Variants in PGBD2 observed in about 807,000 individuals in gnomAD.
PGBD2 encodes piggyBac transposable element-derived protein 2.
In PGBD2, 6 loss-of-function variants were observed where a neutral mutation model predicts 8.1. The observed-to-expected ratio is 0.74, with a 90% CI of 0.40 to 1.46. The LOEUF is 1.46. Among genes scored for constraint, PGBD2 ranks in the 40% most tolerant of loss-of-function variants. PGBD2 has a pLI of 0.02. For synonymous variants in PGBD2, 318 were observed against 272.2 expected, an observed-to-expected ratio of 1.17 and a Z score of -1.66; for missense variants, 802 against 739.0, an observed-to-expected ratio of 1.09 and a Z score of -0.99.
At chr1:248,876,961 G>A in the PGBD2 span, among the ~76,000 whole-genome samples, 1 of 152,162 alleles carries the variant, frequency 6.6e-6, no homozygotes, top group Admixed American at 6.5e-5. Flanking sequence ...AAATACTGGG[G>A]TGAGTTAGAT....
At chr1:248,893,486 A>G in the PGBD2 span, among the ~76,000 whole-genome samples, 32 of 152,344 alleles carry the variant, frequency 2.1e-4, no homozygotes, top group African/African-American at 5.8e-4. Context: ...GTCGTACTGT[A>G]ACTGACTTAT....
Position 248,917,254 on chromosome 1 carries a change from ATCT to A in PGBD2, c.674_676del (p.Phe225del), listed in dbSNP as rs1558289360. The A allele has an allele frequency of 6.2e-7, 1 of 1,614,096 alleles. No individual in the cohort carries two copies. The highest frequency in any genetic ancestry group is 8.5e-7 in the Non-Finnish European group (1 of 1,180,022). On this transcript the variant is annotated inframe_deletion, in exon 3 of 3. Coordinates refer to ENST00000329291, the MANE Select transcript of PGBD2 (RefSeq NM_170725.3). ...AATTAGAAGGGACAGATTTGAACTA[ATCT>A]TCTCATACTTACATTTTGCAGATAA...
chr1:248,873,837 A>G, the PGBD2 span, among the ~76,000 whole-genome samples: 1 of 152,232 alleles, frequency 6.6e-6, no homozygotes, highest in Non-Finnish European at 1.5e-5. Context: ...CTAAGTGAGA[A>G]GCGCTCTGCT....
chr1:248,892,271 C>CTCCT, the PGBD2 span, among the ~76,000 whole-genome samples: 1 of 129,856 alleles, frequency 7.7e-6, no homozygotes, highest in Admixed American at 7.1e-5. Context: ...CCCTCCCTCC[C>CTCCT]TCCCTTCCTT....
intron 1 of PGBD2, among the ~76,000 whole-genome samples, chr1:248,910,884 C>T (rs544827629): frequency 6.6e-6 from 1 of 152,138 alleles, no homozygotes; most frequent in Admixed American, 6.5e-5. Context: ...AATTGACATG[C>T]AACAAACTGC....
the PGBD2 span, among the ~76,000 whole-genome samples, chr1:248,926,348 A>G: frequency 2.6e-5 from 4 of 152,296 alleles, no homozygotes; most frequent in East Asian, 1.9e-4. Context: ...TGTAAAGGCT[A>G]TTAAAACATA....
Position 248,917,376 on chromosome 1 carries a change from G to A in PGBD2, c.792G>A (p.Glu264=). Residue 264 remains glutamate, a synonymous_variant, in exon 3 of 3, where the codon GAG becomes GAA. Transcript: ENST00000329291. ...CNFQKHAPLE[E]FYSFGESMCE... Reference sequence around the variant, plus strand: ...TCCAGAAGCATGCACCCTTGGAAGAGTTCTACAGCTTTGGCGAGTCTATGT... The same window carrying A: ...TCCAGAAGCATGCACCCTTGGAAGAATTCTACAGCTTTGGCGAGTCTATGT... 6.2e-7 allele frequency: 1 copy of A among 1,614,216 alleles called. No individual in the cohort carries two copies. Among genetic ancestry groups the A allele is most frequent in the Non-Finnish European group, 8.5e-7 (1 of 1,180,038 alleles).
At chr1:248,916,470 G>T in intron 2 of PGBD2, 132 bp from the exon 3 acceptor site, 1 of 699,672 alleles carries the variant, frequency 1.4e-6, no homozygotes, top group South Asian at 1.9e-5. Flanking sequence ...ACTAAATGCG[G>T]TGCCTTGTGA....
At chr1:248,923,448 C>G (rs1222298338), downstream of PGBD2, among the ~76,000 whole-genome samples, 1 of 152,078 alleles carries the variant, frequency 6.6e-6, no homozygotes, top group Non-Finnish European at 1.5e-5. Context: ...TTTCATGTCT[C>G]TATCACCTTG....
downstream of PGBD2, chr1:248,919,429 G>C (rs141045262): frequency 3.6e-5 from 6 of 166,676 alleles, no homozygotes; most frequent in African/African-American, 1.4e-4. Flanking sequence ...TCATTTTTTT[G>C]TGGCTAAATA....
chr1:248,897,949 T>A, the PGBD2 span, among the ~76,000 whole-genome samples: 4 of 152,184 alleles, frequency 2.6e-5, no homozygotes, highest in African/African-American at 9.6e-5. Flanking sequence ...ACAGTGGAGC[T>A]CAGCAGCTAC....
chr1:248,917,001 G>A lies in PGBD2; in HGVS notation c.417G>A (p.Leu139=). The A allele has an allele frequency of 6.2e-7, 1 of 1,613,580 alleles. No individual in the cohort carries two copies. Among genetic ancestry groups the A allele is most frequent in the Middle Eastern group, 1.6e-4 (1 of 6,062 alleles). Residue 139 remains leucine, a synonymous_variant, in exon 3 of 3, where the codon CTG becomes CTA. Coordinates refer to ENST00000329291, the MANE Select transcript of PGBD2 (RefSeq NM_170725.3). ...TTGAGGATCTGAAAAGCCAAGAGCT[G>A]AGTCCCGTGGGCCTTTTTGAGTTGT... ...PHIEDLKSQE[L]SPVGLFELFF... is the part of the protein sequence containing the mutation.
At chr1:248,878,404 C>T in the PGBD2 span, among the ~76,000 whole-genome samples, 1 of 152,094 alleles carries the variant, frequency 6.6e-6, no homozygotes, top group Non-Finnish European at 1.5e-5. Flanking sequence ...GTCTCGAATT[C>T]CTGACCTCGT....
chr1:248,875,835 A>T, the PGBD2 span, among the ~76,000 whole-genome samples: 1 of 152,216 alleles, frequency 6.6e-6, no homozygotes, highest in Admixed American at 6.5e-5. Flanking sequence ...TGTACTGCTG[A>T]AATGACTAGT....
At chr1:248,904,131 C>T (rs1661579822), upstream of PGBD2, among the ~76,000 whole-genome samples, 1 of 151,758 alleles carries the variant, frequency 6.6e-6, no homozygotes, top group Non-Finnish European at 1.5e-5. Flanking sequence ...ACAAACTAGG[C>T]TGCAAGGCTT....
the PGBD2 span, among the ~76,000 whole-genome samples, chr1:248,929,901 A>T: frequency 6.6e-6 from 1 of 152,164 alleles, no homozygotes; most frequent in African/African-American, 2.4e-5. Flanking sequence ...TGTCCATTCT[A>T]GGATGAAAAA....
At chr1:248,923,630 C>T (rs1377895392), downstream of PGBD2, among the ~76,000 whole-genome samples, 1 of 152,222 alleles carries the variant, frequency 6.6e-6, no homozygotes, top group Admixed American at 6.5e-5. Context: ...CTCTAGTGTT[C>T]TAGCAAGTTA....
At chr1:248,900,613 T>A in the PGBD2 span, among the ~76,000 whole-genome samples, 1 of 152,156 alleles carries the variant, frequency 6.6e-6, no homozygotes, top group African/African-American at 2.4e-5. Flanking sequence ...GAGCCATAGA[T>A]GACAAACCCA....
At chr1:248,907,522 G>A (rs1184572344) in intron 1 of PGBD2, among the ~76,000 whole-genome samples, 1 of 152,030 alleles carries the variant, frequency 6.6e-6, no homozygotes, top group African/African-American at 2.4e-5. Flanking sequence ...CTTCCCACGA[G>A]GCTGTATTTC....
Sources: allele counts gnomAD v4.1 joint callset (sites outside exome capture counted in the v4.1 genomes callset), GRCh38; gene constraint gnomAD v4.1.1; transcripts MANE v1.5; gene names NCBI Gene and HGNC (gene_info 2026-07-23, HGNC 2026-07-21).